Variants in CPNE4 observed in about 807,000 individuals in gnomAD.
The protein encoded by CPNE4 is copine 4.
In CPNE4, 25 loss-of-function variants were observed where a neutral mutation model predicts 67.9. The observed-to-expected ratio is 0.37, with a 90% CI of 0.27 to 0.51. The LOEUF (loss-of-function observed/expected upper bound fraction) is 0.51. CPNE4 is among the 20% of genes least tolerant of loss of function. The pLI, the probability that CPNE4 is intolerant of heterozygous loss-of-function variation, is 0.93. For missense variants in CPNE4, 464 were observed against 690.8 expected, an observed-to-expected ratio of 0.67 and a Z score of 3.68; for synonymous variants, 242 against 244.9, an observed-to-expected ratio of 0.99 and a Z score of 0.11.
At chr3:131,691,674 C>A (rs1321436799) in intron 5 of CPNE4, among the ~76,000 whole-genome samples, 2 of 151,950 alleles carry the variant, frequency 1.3e-5, no homozygotes, top group Non-Finnish European at 1.5e-5. Flanking sequence ...CAAACCTGCA[C>A]ATGTAATCTC....
intron 2 of CPNE4, among the ~76,000 whole-genome samples, chr3:131,903,439 A>T (rs1299905633): frequency 6.6e-6 from 1 of 152,100 alleles, no homozygotes; most frequent in African/African-American, 2.4e-5. Context: ...ACTTAAAATC[A>T]GTCCTTATCC....
chr3:131,931,947 C>G (rs944386262), intron 1 of CPNE4, among the ~76,000 whole-genome samples: 1 of 152,104 alleles, frequency 6.6e-6, no homozygotes, highest in Non-Finnish European at 1.5e-5. Flanking sequence ...AGTTTATTGA[C>G]CTTCAAAACA....
At chr3:131,952,717 G>T (rs561093661) in intron 1 of CPNE4, among the ~76,000 whole-genome samples, 1 of 151,882 alleles carries the variant, frequency 6.6e-6, no homozygotes, top group African/African-American at 2.4e-5. Context: ...CCCTCTGCCC[G>T]GCCACCACCC....
chr3:131,967,837 C>T (rs932651915), intron 1 of CPNE4, among the ~76,000 whole-genome samples: 7 of 152,058 alleles, frequency 4.6e-5, no homozygotes, highest in South Asian at 2.1e-4. Flanking sequence ...ACTTTCTTCA[C>T]ATAAGTAGAA....
Position 131,737,354 on chromosome 3 carries a change from T to C in CPNE4, c.181-13729A>G, listed in dbSNP as rs184619110. 6.8e-3 allele frequency among the ~76,000 whole-genome samples: 1,029 copies of C among 151,982 alleles called. 8 individuals are homozygous for C. Among genetic ancestry groups the C allele is most frequent in the African/African-American group, 0.022 (931 of 41,462 alleles). ...GGTCAGGATGGTCTCGAGTGTCGTGTCTCTTTTAGAGCCACCTCCCACTAA... is the reference window on the plus strand; with the variant it reads ...GGTCAGGATGGTCTCGAGTGTCGTGCCTCTTTTAGAGCCACCTCCCACTAA... On this transcript the variant is annotated intron_variant, in intron 2 of 15. Coordinates refer to ENST00000429747, the MANE Select transcript of CPNE4 (RefSeq NM_130808.3).
chr3:131,651,724 G>C (rs954927069), intron 7 of CPNE4, among the ~76,000 whole-genome samples: 3 of 152,174 alleles, frequency 2.0e-5, no homozygotes, highest in Admixed American at 6.5e-5. Flanking sequence ...GATGGAATGT[G>C]GGGTAGTACC....
chr3:132,013,363 T>C (rs1434544515), intron 1 of CPNE4, among the ~76,000 whole-genome samples: 1 of 152,212 alleles, frequency 6.6e-6, no homozygotes, highest in Non-Finnish European at 1.5e-5. Flanking sequence ...AAGGAAGATT[T>C]CTCAGAGGGC....
chr3:131,756,766 CG>C (rs987268736), intron 2 of CPNE4, among the ~76,000 whole-genome samples: 1 of 152,168 alleles, frequency 6.6e-6, no homozygotes, highest in African/African-American at 2.4e-5. Context: ...GGCTGCACCT[CG>C]CCCAAATCTC....
In CPNE4 at chr3:131,944,162, T is replaced by C. The variant is rs147754116; in HGVS notation, c.-1-38718A>G. Among the ~76,000 whole-genome samples, 190 of 152,164 alleles carry C rather than the reference T, an allele frequency of 1.2e-3. 1 individual carries two copies. The highest frequency in any genetic ancestry group is 4.5e-3 in the African/African-American group (186 of 41,528). On this transcript the variant is annotated intron_variant, in intron 1 of 15. Coordinates refer to ENST00000429747, the MANE Select transcript of CPNE4 (RefSeq NM_130808.3). ...CATGTCTAACACTGTCTTGCAAGGTTAACTGGGTGCCAGATGATCATCTCC... is the reference window on the plus strand; with the variant it reads ...CATGTCTAACACTGTCTTGCAAGGTCAACTGGGTGCCAGATGATCATCTCC...
chr3:131,958,808 G>A (rs1181632751), intron 1 of CPNE4, among the ~76,000 whole-genome samples: 2 of 150,682 alleles, frequency 1.3e-5, no homozygotes, highest in South Asian at 2.1e-4. Flanking sequence ...ATGGGTGCCC[G>A]CCACCACGCC....
intron 2 of CPNE4, among the ~76,000 whole-genome samples, chr3:131,808,451 A>G (rs557265560): frequency 7.9e-5 from 12 of 152,288 alleles, no homozygotes; most frequent in African/African-American, 2.9e-4. Context: ...TAATGAGGAA[A>G]TACTTTGATA....
In CPNE4 at chr3:131,827,314, A is replaced by G. The variant is rs113998732; in HGVS notation, c.180+77950T>C. Among the ~76,000 whole-genome samples the G allele has an allele frequency of 9.6e-4, 146 of 152,280 alleles. 1 individual carries two copies. The highest frequency in any genetic ancestry group is 2.0e-3 in the Non-Finnish European group (136 of 68,030). On this transcript the variant is annotated intron_variant, in intron 2 of 15. Coordinates refer to ENST00000429747, the MANE Select transcript of CPNE4 (RefSeq NM_130808.3). ...CAGTAATGAAAAGCTGCCTCACTGC[A>G]CACATGACTTTAATGTACATCTATT...
intron 1 of CPNE4, among the ~76,000 whole-genome samples, chr3:131,954,180 T>TC (rs150358553): frequency 0.16 from 24,238 of 151,914 alleles, 2,193 homozygotes; most frequent in African/African-American, 0.25. Context: ...TTCTAAAATA[T>TC]GTTAGAAAAA....
At chr3:131,958,609 CTTTTTTT>C (rs748126986) in intron 1 of CPNE4, among the ~76,000 whole-genome samples, 3 of 96,034 alleles carry the variant, frequency 3.1e-5, no homozygotes, top group Non-Finnish European at 5.9e-5. Flanking sequence ...TCTTTCTTTT[CTTTTTTT>C]TTTTTTTTTT....
At chr3:132,038,532 G>A (rs1330254912), upstream of CPNE4, among the ~76,000 whole-genome samples, 1 of 152,156 alleles carries the variant, frequency 6.6e-6, no homozygotes, top group African/African-American at 2.4e-5. Flanking sequence ...CATGAGTGAT[G>A]TTATAAAGGC....
chr3:131,629,192 C>G (rs999157824), intron 7 of CPNE4, among the ~76,000 whole-genome samples: 1 of 152,084 alleles, frequency 6.6e-6, no homozygotes, highest in African/African-American at 2.4e-5. Flanking sequence ...AAGACTGGCC[C>G]CCATGATTCA....
chr3:131,838,703 T>C (rs1447899085), intron 2 of CPNE4, among the ~76,000 whole-genome samples: 4 of 151,738 alleles, frequency 2.6e-5, no homozygotes. Flanking sequence ...ACTTTTATAC[T>C]ATAAAAGTAC....
At chr3:131,752,243 T>A (rs4854623) in intron 2 of CPNE4, among the ~76,000 whole-genome samples, 63,454 of 151,814 alleles carry the variant, frequency 0.42, 13,358 homozygotes, top group East Asian at 0.54. Flanking sequence ...CTTGAGAGGG[T>A]AGAAGTCTCC....
At chr3:131,647,383 G>A (rs1332878738) in intron 7 of CPNE4, among the ~76,000 whole-genome samples, 1 of 152,226 alleles carries the variant, frequency 6.6e-6, no homozygotes, top group African/African-American at 2.4e-5. Flanking sequence ...CTGTGTACCA[G>A]CTAGTGGAGA....
Sources: gnomAD v4.1 joint callset for allele counts (sites outside exome capture counted in the v4.1 genomes callset) on GRCh38, gnomAD v4.1.1 for gene constraint, MANE v1.5 for transcripts, NCBI Gene and HGNC (gene_info 2026-07-23, HGNC 2026-07-21) for gene names.